MAP3K20: variants seen among roughly 807,000 people sequenced by gnomAD.
MAP3K20 encodes mitogen-activated protein kinase kinase kinase 20.
MAP3K20 carries 40 observed loss-of-function variants against 85.7 expected under a neutral mutation model. The observed-to-expected ratio is 0.47, with a 90% CI of 0.36 to 0.61. MAP3K20 has a LOEUF of 0.61. Ranked by LOEUF, MAP3K20 falls within the 20% of genes least tolerant of loss-of-function variation. MAP3K20 has a pLI of 0.00. For missense variants in MAP3K20, 817 were observed against 961.7 expected (o/e 0.85, Z 1.99); for synonymous variants, 325 against 327.7 (o/e 0.99, Z 0.09).
chr2:173,241,562 C>A (rs191101300), intron 16 of MAP3K20, among the ~76,000 whole-genome samples: 114 of 152,234 alleles, frequency 7.5e-4, no homozygotes, highest in African/African-American at 2.5e-3. Context: ...CTGCAGTGAG[C>A]CAAAACTGTG....
rs1191956927 is a variant in MAP3K20 at position 173,267,380 on chromosome 2, T to A, written c.*630T>A. The stretch of plus-strand genomic sequence containing the variant: ...AAATTTTGTGCCCAAGGCAGGTACC[T>A]CACTCATCTCATCCTTGGCTCAGCC... On this transcript the variant is annotated 3_prime_UTR_variant, in exon 20 of 20. Coordinates refer to ENST00000375213, the MANE Select transcript of MAP3K20 (RefSeq NM_016653.3). The A allele has an allele frequency of 6.6e-6, 1 of 152,168 alleles. No individual in the cohort carries two copies. The highest frequency in any genetic ancestry group is 1.5e-5 in the Non-Finnish European group (1 of 68,044). 9.4% of individuals were successfully genotyped at this position (152,168 alleles called of 1,614,324 possible).
At chr2:173,252,762 A>C (rs1235100165) in intron 16 of MAP3K20, among the ~76,000 whole-genome samples, 4 of 152,094 alleles carry the variant, frequency 2.6e-5, no homozygotes, top group Non-Finnish European at 5.9e-5. Flanking sequence ...TACCTGTGTG[A>C]CCTCAGTCAA....
rs548843102 is a variant in MAP3K20 at position 173,111,642 on chromosome 2, G to A, written c.159+20452G>A. 2.0e-5 allele frequency among the ~76,000 whole-genome samples: 3 copies of A among 152,224 alleles called. No individual in the cohort carries two copies. The South Asian group carries it at 6.2e-4, about 32-fold the overall frequency. On this transcript the variant is annotated intron_variant, in intron 2 of 19. Coordinates refer to ENST00000375213, the MANE Select transcript of MAP3K20 (RefSeq NM_016653.3). ...GATCCAGTTTCATTCTCCTACATGT[G>A]GCTAGCCAATTATCCCAGCACCATT... is the stretch of plus-strand genomic sequence containing the variant.
Position 173,076,690 on chromosome 2 carries a change from C to T in MAP3K20, c.-35+688C>T, listed in dbSNP as rs1559220938. Among the ~76,000 whole-genome samples, 6 of 152,376 alleles carry T rather than the reference C, an allele frequency of 3.9e-5. No individual in the cohort carries two copies. The South Asian group carries it at 1.2e-3, about 32-fold the overall frequency. On this transcript the variant is annotated intron_variant, in intron 1 of 19. Coordinates refer to ENST00000375213, the MANE Select transcript of MAP3K20 (RefSeq NM_016653.3). ...AGCCACCGCTCCCCGCCCTTCCTGCCCCGGGCTTGGGCAGCATGAAGCGCC... is the reference window on the plus strand; with the variant it reads ...AGCCACCGCTCCCCGCCCTTCCTGCTCCGGGCTTGGGCAGCATGAAGCGCC...
At chr2:173,205,295 A>G (rs1683647751) in intron 9 of MAP3K20, among the ~76,000 whole-genome samples, 1 of 152,066 alleles carries the variant, frequency 6.6e-6, no homozygotes. Context: ...CTAAAGAATC[A>G]AATTTCTTAC....
intron 2 of MAP3K20, among the ~76,000 whole-genome samples, chr2:173,103,349 C>T (rs1462450089): frequency 6.6e-6 from 1 of 152,150 alleles, no homozygotes; most frequent in Non-Finnish European, 1.5e-5. Context: ...CAGTGAGGCT[C>T]TGTGGGAAAT....
intron 3 of MAP3K20, among the ~76,000 whole-genome samples, chr2:173,175,172 CTT>C (rs755145463): frequency 2.6e-5 from 4 of 152,230 alleles, no homozygotes; most frequent in African/African-American, 4.8e-5. Flanking sequence ...TCATCTCAGA[CTT>C]ATATATTTTT....
chr2:173,241,863 T>G (rs1283527649), intron 16 of MAP3K20, among the ~76,000 whole-genome samples: 2 of 152,192 alleles, frequency 1.3e-5, no homozygotes, highest in African/African-American at 4.8e-5. Flanking sequence ...TTTCTCTCTG[T>G]GAATGGATCA....
chr2:173,213,129 TAG>T (rs1400928089), intron 10 of MAP3K20, among the ~76,000 whole-genome samples: 3 of 152,180 alleles, frequency 2.0e-5, no homozygotes, highest in East Asian at 3.8e-4. Flanking sequence ...AATGGGATTA[TAG>T]AGAGTGTTTT....
chr2:173,108,852 T>C (rs1210217433), intron 2 of MAP3K20, among the ~76,000 whole-genome samples: 1 of 152,228 alleles, frequency 6.6e-6, no homozygotes, highest in African/African-American at 2.4e-5. Context: ...GCACATTCTA[T>C]TTTTATAATC....
intron 2 of MAP3K20, among the ~76,000 whole-genome samples, chr2:173,092,933 T>C (rs1340690150): frequency 6.6e-6 from 1 of 152,034 alleles, no homozygotes; most frequent in Non-Finnish European, 1.5e-5. Context: ...TGAATGTAGG[T>C]AATTCAGAAA....
intron 1 of MAP3K20, among the ~76,000 whole-genome samples, chr2:173,081,563 G>A (rs1687014682): frequency 6.6e-6 from 1 of 152,154 alleles, no homozygotes; most frequent in South Asian, 2.1e-4. Context: ...GAGTTTTGAT[G>A]TTAGGTGGTT....
intron 2 of MAP3K20, among the ~76,000 whole-genome samples, chr2:173,093,658 A>G (rs905547448): frequency 9.2e-5 from 14 of 152,190 alleles, no homozygotes; most frequent in African/African-American, 3.4e-4. Flanking sequence ...CCAAAGGACT[A>G]TAAATCATGC....
At chr2:173,108,040 G>C (rs918043307) in intron 2 of MAP3K20, among the ~76,000 whole-genome samples, 1 of 152,034 alleles carries the variant, frequency 6.6e-6, no homozygotes, top group Non-Finnish European at 1.5e-5. Flanking sequence ...GTTCTCTATG[G>C]TGGTTTCTCA....
At chr2:173,242,168 GA>G (rs1313647700) in intron 16 of MAP3K20, among the ~76,000 whole-genome samples, 3 of 146,300 alleles carry the variant, frequency 2.1e-5, no homozygotes, top group Admixed American at 6.9e-5. Flanking sequence ...TCTCAACCAA[GA>G]AAAAAAAATT....
In MAP3K20 at chr2:173,218,564, G is replaced by A. The variant is rs536416842; in HGVS notation, c.987+1314G>A. Among the ~76,000 whole-genome samples, 13 of 152,342 alleles carry A rather than the reference G, an allele frequency of 8.5e-5. No homozygotes were observed. In the South Asian group the frequency reaches 2.7e-3, roughly 32 times the overall value. ...CACTCTAGGGATCTGCACAGGAGCA[G>A]TGCTTCTCCCAGAGCTCATGAGGGA... On this transcript the variant is annotated intron_variant, in intron 11 of 19. Coordinates refer to ENST00000375213, the MANE Select transcript of MAP3K20 (RefSeq NM_016653.3).
intron 4 of MAP3K20, among the ~76,000 whole-genome samples, chr2:173,186,815 C>T (rs1394535307): frequency 6.6e-6 from 1 of 151,836 alleles, no homozygotes; most frequent in Non-Finnish European, 1.5e-5. Context: ...AGGTGGTAAC[C>T]ATAAAATGTG....
At chr2:173,138,618 A>G (rs1688872471) in intron 2 of MAP3K20, among the ~76,000 whole-genome samples, 1 of 152,158 alleles carries the variant, frequency 6.6e-6, no homozygotes, top group Non-Finnish European at 1.5e-5. Flanking sequence ...CAGATAGGTG[A>G]TGTTCAGTAG....
At chr2:173,152,978 G>T (rs1689351501) in intron 2 of MAP3K20, among the ~76,000 whole-genome samples, 1 of 152,008 alleles carries the variant, frequency 6.6e-6, no homozygotes, top group African/African-American at 2.4e-5. Flanking sequence ...GGACTCTCAG[G>T]GATGCTAAAT....
Sources: gnomAD v4.1 joint callset for allele counts (sites outside exome capture counted in the v4.1 genomes callset) on GRCh38, gnomAD v4.1.1 for gene constraint, MANE v1.5 for transcripts, NCBI Gene and HGNC (gene_info 2026-07-23, HGNC 2026-07-21) for gene names.